CTNNB1: variants seen among roughly 807,000 people sequenced by gnomAD.
CTNNB1 encodes the protein catenin beta-1.
Under a neutral mutation model 82.5 loss-of-function variants are expected in CTNNB1, and 6 were observed. The observed-to-expected ratio is 0.07, with a 90% CI of 0.04 to 0.14. The LOEUF (loss-of-function observed/expected upper bound fraction) is 0.14, where lower values mean the gene tolerates loss of function less well. Ranked by LOEUF, CTNNB1 falls within the 10% of genes least tolerant of loss-of-function variation. CTNNB1 has a pLI of 1.00. For missense variants in CTNNB1, 529 were observed against 980.4 expected (o/e 0.54, Z 6.15); for synonymous variants, 312 against 329.7 (o/e 0.95, Z 0.58).
intron 1 of CTNNB1, among the ~76,000 whole-genome samples, chr3:41,211,984 A>G (rs998189913): frequency 6.6e-6 from 1 of 152,182 alleles, no homozygotes; most frequent in African/African-American, 2.4e-5. Context: ...CATTCAGTAA[A>G]AGCTCAAGCT....
chr3:41,234,062 A>C lies in CTNNB1; in HGVS notation c.1525-77A>C. The C allele has an allele frequency of 1.9e-6, 3 of 1,585,780 alleles. No individual in the cohort carries two copies. In the South Asian group the frequency reaches 3.3e-5, roughly 18 times the overall value. ...AACTACTTTTAGTTGATACCAATAG[A>C]TTTAGTGTGGTGGGAATTTTAGGGT... On this transcript the variant is annotated intron_variant, in intron 9 of 14. Coordinates refer to ENST00000349496, the MANE Select transcript of CTNNB1 (RefSeq NM_001904.4).
chr3:41,239,272 C>T lies in CTNNB1; in HGVS notation c.2276C>T (p.Ala759Val), dbSNP rs2125653838. 1.2e-6 allele frequency: 2 copies of T among 1,614,166 alleles called. No individual in the cohort carries two copies. The highest frequency in any genetic ancestry group is 2.7e-5 in the African/African-American group (2 of 75,042). Residue 759 changes from alanine (A) to valine (V), a missense_variant, in exon 15 of 15, where the codon GCC (alanine) becomes GTC (valine). By Grantham distance (64) the Ala-to-Val change is moderately conservative. Transcript: ENST00000349496. Reference sequence around the variant, plus strand: ...GATGGGCTGCCAGATCTGGGGCATGCCCAGGACCTCATGGATGGGCTGCCT... The same window carrying T: ...GATGGGCTGCCAGATCTGGGGCATGTCCAGGACCTCATGGATGGGCTGCCT... The part of the protein sequence containing the change: ...PVDGLPDLGH[A>V]QDLMDGLPPG...
chr3:41,227,344 T>A lies in CTNNB1; in HGVS notation c.1073T>A (p.Val358Glu), dbSNP rs2125628350. The change falls in exon 7 of 15, where the codon GTA (valine) becomes GAA (glutamate). Residue 358 changes from valine to glutamate, a missense_variant. By Grantham distance (121) the Val-to-Glu change is moderately radical (BLOSUM62 -2). Coordinates refer to ENST00000349496, the MANE Select transcript of CTNNB1 (RefSeq NM_001904.4). ...SVCSSNKPAIVEAGGMQALGL... is the reference protein window; with the variant it reads ...SVCSSNKPAIEEAGGMQALGL... ...TGCTCTAGTAATAAGCCGGCTATTG[T>A]AGAAGCTGGTAAGTATATGTATCTA... 1 of 1,613,916 alleles carries A rather than the reference T, an allele frequency of 6.2e-7. No individual in the cohort carries two copies. The highest frequency in any genetic ancestry group is 8.5e-7 in the Non-Finnish European group (1 of 1,179,816).
intron 1 of CTNNB1, chr3:41,220,625 G>C (rs1211875610): frequency 6.6e-6 from 1 of 152,166 alleles, no homozygotes; most frequent in Non-Finnish European, 1.5e-5. Context: ...ATTTTACTAA[G>C]AACTTTTTAA....
At chr3:41,230,961 G>A (rs193138111) in intron 7 of CTNNB1, among the ~76,000 whole-genome samples, 5 of 152,358 alleles carry the variant, frequency 3.3e-5, no homozygotes, top group Admixed American at 2.6e-4. Flanking sequence ...TTACGAATTT[G>A]TGTTGGGCTA....
At chr3:41,231,326 C>CA (rs11377041) in intron 7 of CTNNB1, among the ~76,000 whole-genome samples, 58,299 of 134,772 alleles carry the variant, frequency 0.43, 11,933 homozygotes, top group Non-Finnish European at 0.48. Flanking sequence ...GACTCTATCT[C>CA]AAAAAAAAAA....
intron 1 of CTNNB1, among the ~76,000 whole-genome samples, chr3:41,204,632 A>G (rs1484130185): frequency 6.6e-6 from 1 of 152,248 alleles, no homozygotes; most frequent in Non-Finnish European, 1.5e-5. Flanking sequence ...TTGCCAGATC[A>G]TCTGATTTCT....
chr3:41,220,350 C>T (rs1291515189), intron 1 of CTNNB1, among the ~76,000 whole-genome samples: 2 of 152,066 alleles, frequency 1.3e-5, no homozygotes, highest in Admixed American at 6.5e-5. Flanking sequence ...ATTGACTATT[C>T]GAGGATGACA....
chr3:41,204,188 G>A (rs1325648620), intron 1 of CTNNB1, among the ~76,000 whole-genome samples: 1 of 151,146 alleles, frequency 6.6e-6, no homozygotes, highest in Non-Finnish European at 1.5e-5. Context: ...GACCATACTT[G>A]TAAATCAGTG....
At chr3:41,232,635 A>C (rs2078337543) in intron 7 of CTNNB1, among the ~76,000 whole-genome samples, 1 of 152,030 alleles carries the variant, frequency 6.6e-6, no homozygotes, top group African/African-American at 2.4e-5. Flanking sequence ...AATGTCCCCC[A>C]TTTAAGGGTC....
chr3:41,240,359 A>AGTT lies in CTNNB1; in HGVS notation c.*1023_*1025dup, dbSNP rs1002413521. On this transcript the variant is annotated 3_prime_UTR_variant, in exon 15 of 15. Coordinates refer to ENST00000349496, the MANE Select transcript of CTNNB1 (RefSeq NM_001904.4). ...GTTTACCAGTTGCCTTTTATCCCAA[A>AGTT]GTTGTTGTAACCTGCTGTGATACGA... 4.9e-4 allele frequency: 93 copies of AGTT among 187,942 alleles called. No individual in the cohort carries two copies. Among genetic ancestry groups the AGTT allele is most frequent in the Middle Eastern group, 1.9e-3 (1 of 518 alleles). The allele number at this position is 187,942 out of a possible 1,614,324, so 11.6% of individuals were successfully genotyped here. A position where few individuals can be genotyped will look rare whatever the true frequency, so the allele number is the denominator to read the frequency against.
rs1452521579 is a variant in CTNNB1 at position 41,238,853 on chromosome 3, CAG to C, written c.2138-278_2138-277del. On this transcript the variant is annotated intron_variant, in intron 14 of 14. Coordinates refer to ENST00000349496, the MANE Select transcript of CTNNB1 (RefSeq NM_001904.4). Reference sequence around the variant, plus strand: ...CCAAGTCTCTTGACAGGGGTAAATGCAGAGTGTTCAGGGTTAGACTAATGATG... The same window carrying C: ...CCAAGTCTCTTGACAGGGGTAAATGCAGTGTTCAGGGTTAGACTAATGATG... 1.1e-4 allele frequency among the ~76,000 whole-genome samples: 17 copies of C among 152,298 alleles called. No individual in the cohort carries two copies. In the East Asian group the frequency reaches 3.3e-3, roughly 29 times the overall value.
intron 1 of CTNNB1, among the ~76,000 whole-genome samples, chr3:41,205,887 G>A (rs557986952): frequency 3.3e-5 from 5 of 152,172 alleles, no homozygotes; most frequent in Non-Finnish European, 7.3e-5. Flanking sequence ...CTCACCCCAA[G>A]TCTATCCCAC....
chr3:41,237,736 G>A (rs1174124379), intron 13 of CTNNB1: 3 of 272,128 alleles, frequency 1.1e-5, no homozygotes, highest in Non-Finnish European at 2.0e-5. Flanking sequence ...TATATCTCTA[G>A]CATGTAGAAC....
At position 41,225,322 on chromosome 3, in the gene CTNNB1, C is replaced by T. The variant is rs759529051; in HGVS notation, c.496-12C>T. Reference sequence around the variant, plus strand: ...TGAAAACTAACGATGTTTCTGAATTCCTGTATTACAGGTGGTGGTTAATAA... The same window carrying T: ...TGAAAACTAACGATGTTTCTGAATTTCTGTATTACAGGTGGTGGTTAATAA... On this transcript the variant is annotated splice_polypyrimidine_tract_variant and intron_variant, in intron 4 of 14. Coordinates refer to ENST00000349496, the MANE Select transcript of CTNNB1 (RefSeq NM_001904.4). The surrounding 1 kb of genome is among the most constrained non-coding windows in gnomAD (Gnocchi z 5.3). The T allele has an allele frequency of 3.7e-6, 6 of 1,613,856 alleles. No homozygotes were observed. In the African/African-American group the frequency reaches 6.7e-5, roughly 18 times the overall value.
intron 7 of CTNNB1, 81 bp downstream of exon 7, chr3:41,227,433 A>G (rs376835513): frequency 6.1e-6 from 9 of 1,472,570 alleles, no homozygotes; most frequent in East Asian, 4.5e-5. Context: ...AAAAGGTGGT[A>G]GAACTTTAAC....
intron 1 of CTNNB1, among the ~76,000 whole-genome samples, chr3:41,206,205 G>T (rs762256459): frequency 6.6e-6 from 1 of 152,080 alleles, no homozygotes; most frequent in Non-Finnish European, 1.5e-5. Context: ...ATGTTAAACC[G>T]TTTAAAACTT....
At chr3:41,218,783 C>T (rs2125607180) in intron 1 of CTNNB1, among the ~76,000 whole-genome samples, 2 of 152,296 alleles carry the variant, frequency 1.3e-5, no homozygotes, top group East Asian at 3.9e-4. Flanking sequence ...TCTTGAACTC[C>T]TGGACTCAGA....
chr3:41,209,010 A>G (rs889281894), intron 1 of CTNNB1, among the ~76,000 whole-genome samples: 2 of 152,174 alleles, frequency 1.3e-5, no homozygotes, highest in Non-Finnish European at 2.9e-5. Flanking sequence ...ACCACGTTAT[A>G]AATTTGTAGT....
Sources: allele counts gnomAD v4.1 joint callset (sites outside exome capture counted in the v4.1 genomes callset), GRCh38; gene constraint gnomAD v4.1.1; non-coding constraint Gnocchi (gnomAD v3.1); transcripts MANE v1.5; gene names NCBI Gene and HGNC (gene_info 2026-07-23, HGNC 2026-07-21).